Variants in SLC22A14 observed in about 807,000 individuals in gnomAD.
The protein encoded by SLC22A14 is organic cation transporter-like 4.
SLC22A14 carries 50 observed loss-of-function variants against 53.9 expected under a neutral mutation model. That is an observed-to-expected ratio of 0.93 (90% CI 0.74 to 1.17). The LOEUF (loss-of-function observed/expected upper bound fraction) is 1.17. Among genes scored for constraint, SLC22A14 ranks in the 50% most tolerant of loss-of-function variants. SLC22A14 has a pLI of 0.00. For missense variants in SLC22A14, 671 were observed against 734.7 expected (o/e 0.91, Z 1.00); for synonymous variants, 312 against 303.0 (o/e 1.03, Z -0.31).
intron 1 of SLC22A14, among the ~76,000 whole-genome samples, chr3:38,296,679 A>G (rs113240437): frequency 0.064 from 9,747 of 152,196 alleles, 370 homozygotes; most frequent in East Asian, 0.16. Flanking sequence ...CAGATTCCAA[A>G]GAATGGAACC....
chr3:38,306,708 A>G (rs540798854), intron 2 of SLC22A14, among the ~76,000 whole-genome samples, 166 bp downstream of exon 2: 8 of 152,362 alleles, frequency 5.3e-5, no homozygotes, highest in Admixed American at 4.6e-4. Context: ...CCTGTTGCCC[A>G]GCCCTGGCCC....
upstream of SLC22A14, among the ~76,000 whole-genome samples, chr3:38,280,154 C>G (rs557491522): frequency 3.5e-4 from 53 of 152,304 alleles, no homozygotes; most frequent in Non-Finnish European, 6.8e-4. Flanking sequence ...ACTGCGCATG[C>G]TGGAGGACTT....
chr3:38,303,063 A>G (rs192270812), intron 1 of SLC22A14, among the ~76,000 whole-genome samples: 42 of 152,184 alleles, frequency 2.8e-4, no homozygotes, highest in African/African-American at 9.9e-4. Flanking sequence ...CAGTCTTGCT[A>G]TATCTGTATA....
chr3:38,316,314 C>G lies in SLC22A14; in HGVS notation c.1533-10C>G, dbSNP rs1422587857. The stretch of plus-strand genomic sequence containing the variant: ...AGACCCCTCACAGGAGCTCTCACCT[C>G]CACTTTCAGGGCGACAGGTCTGGGG... On this transcript the variant is annotated splice_polypyrimidine_tract_variant and intron_variant, in intron 9 of 10. Coordinates refer to ENST00000448498, the MANE Select transcript of SLC22A14 (RefSeq NM_001320033.2). 1 of 1,613,934 alleles carries G rather than the reference C, an allele frequency of 6.2e-7. No individual in the cohort carries two copies.
chr3:38,289,351 C>T (rs1703860614), intron 1 of SLC22A14, among the ~76,000 whole-genome samples: 1 of 152,122 alleles, frequency 6.6e-6, no homozygotes, highest in African/African-American at 2.4e-5. Context: ...GGCCAGTTCT[C>T]CCACTAACAT....
upstream of SLC22A14, among the ~76,000 whole-genome samples, chr3:38,279,703 T>C (rs569745942): frequency 2.4e-4 from 37 of 152,206 alleles, no homozygotes; most frequent in Admixed American, 2.2e-3. Context: ...GTAAGTGTCC[T>C]TTAGCAGTCA....
At position 38,316,520 on chromosome 3, in the gene SLC22A14, A is replaced by G. The variant is rs1258201471; in HGVS notation, c.1729A>G (p.Ile577Val). Residue 577 changes from isoleucine to valine, a missense_variant, in exon 10 of 11, where the codon ATA (isoleucine) becomes GTA (valine). Ile to Val is a conservative substitution (Grantham distance 29). Transcript: ENST00000448498. ...CGAGAGCCTGAACCACTCCTCACAG[A>G]TAAGGTAGGTGTGGGAGCCTCCTGG... is the stretch of plus-strand genomic sequence containing the variant. ...LSESLNHSSQ[I>V]RNKVKDMKTK... The G allele has an allele frequency of 1.9e-6, 3 of 1,613,762 alleles. No individual in the cohort carries two copies. Among genetic ancestry groups the G allele is most frequent in the Non-Finnish European group, 8.5e-7 (1 of 1,179,930 alleles).
At position 38,307,103 on chromosome 3, in the gene SLC22A14, A is replaced by G; in HGVS notation, c.517-151A>G. On this transcript the variant is annotated intron_variant, in intron 2 of 10. Transcript: ENST00000448498. The surrounding 1 kb of genome is among the most constrained non-coding windows in gnomAD (Gnocchi z 4.4). ...AGGTGCCAGAGGGGTTGCAGAGGTA[A>G]CAGAGCAGAGGCAACAGCTGAGGCA... 3.0e-6 allele frequency: 2 copies of G among 663,692 alleles called. No homozygotes were observed. The highest frequency in any genetic ancestry group is 2.2e-5 in the Admixed American group (1 of 46,424). 41.1% of individuals were successfully genotyped at this position (663,692 alleles called of 1,614,324 possible). A position where few individuals can be genotyped will look rare whatever the true frequency, so the allele number is the denominator to read the frequency against.
At chr3:38,282,764 A>ACCAG (rs2125867173) in intron 1 of SLC22A14, among the ~76,000 whole-genome samples, 1 of 152,222 alleles carries the variant, frequency 6.6e-6, no homozygotes, top group Admixed American at 6.5e-5. Context: ...GGAGGCTGGT[A>ACCAG]CAGATGGCTC....
intron 2 of SLC22A14, 95 bp downstream of exon 2, chr3:38,306,637 A>T: frequency 7.9e-7 from 1 of 1,263,496 alleles, no homozygotes; most frequent in Non-Finnish European, 1.1e-6. Context: ...AAGCTCAGAG[A>T]TGGGAAGCCA....
chr3:38,283,902 C>T (rs1164146385), intron 1 of SLC22A14, among the ~76,000 whole-genome samples: 3 of 152,172 alleles, frequency 2.0e-5, no homozygotes, highest in African/African-American at 4.8e-5. Context: ...GGGGCCCCTG[C>T]TCAGATTTGC....
In SLC22A14 at chr3:38,307,053, C is replaced by G. The variant is rs182602330; in HGVS notation, c.517-201C>G. On this transcript the variant is annotated intron_variant, in intron 2 of 10. Coordinates refer to ENST00000448498, the MANE Select transcript of SLC22A14 (RefSeq NM_001320033.2). The surrounding 1 kb of genome is among the most constrained non-coding windows in gnomAD (Gnocchi z 4.4). ...TGGCCTATGCCTCTGGTCACTCTCT[C>G]CAGGCCCAGCTCTCAGGGTGGAGCA... 1.6e-3 allele frequency among the ~76,000 whole-genome samples: 244 copies of G among 152,324 alleles called. 2 individuals carry two copies. Among genetic ancestry groups the G allele is most frequent in the African/African-American group, 5.7e-3 (238 of 41,582 alleles).
In SLC22A14 at chr3:38,293,515, A is replaced by G. The variant is rs13320437; in HGVS notation, c.-1+11176A>G. Among the ~76,000 whole-genome samples, 1,354 of 152,270 alleles carry G rather than the reference A, an allele frequency of 8.9e-3. 10 individuals carry two copies. Among genetic ancestry groups the G allele is most frequent in the African/African-American group, 0.031 (1,302 of 41,538 alleles). On this transcript the variant is annotated intron_variant, in intron 1 of 10. Transcript: ENST00000448498. ...TTTTTCTAATGTCTGCAGCTGACTG[A>G]GTGATAAACTTATCCTTTAAGATTA...
intron 1 of SLC22A14, among the ~76,000 whole-genome samples, chr3:38,289,765 C>A (rs1406091908): frequency 1.3e-5 from 2 of 152,146 alleles, no homozygotes; most frequent in African/African-American, 4.8e-5. Flanking sequence ...TGGAAGTCAG[C>A]GGCGGGTCTG....
At chr3:38,300,000 T>G (rs1704125012) in intron 1 of SLC22A14, among the ~76,000 whole-genome samples, 1 of 152,240 alleles carries the variant, frequency 6.6e-6, no homozygotes, top group East Asian at 1.9e-4. Context: ...ATTTTCTTAC[T>G]GTTGGAAGTG....
At chr3:38,315,363 C>A (rs1392301001) in intron 8 of SLC22A14, among the ~76,000 whole-genome samples, 195 bp from the exon 9 acceptor site, 1 of 152,282 alleles carries the variant, frequency 6.6e-6, no homozygotes, top group African/African-American at 2.4e-5. Flanking sequence ...GGGGACCTCC[C>A]CACCCCTGCT....
At chr3:38,313,312 C>T in intron 6 of SLC22A14, 76 bp from the exon 7 acceptor site, 1 of 1,380,820 alleles carries the variant, frequency 7.2e-7, no homozygotes, top group East Asian at 2.3e-5. Context: ...GACAGGCAGG[C>T]CTTGTGGGTG....
At position 38,313,075 on chromosome 3, in the gene SLC22A14, G is replaced by GCTC; in HGVS notation, c.1022_1023insTCC (p.Ala341_Ser342insPro). 1 of 1,605,028 alleles carries GCTC rather than the reference G, an allele frequency of 6.2e-7. No individual in the cohort carries two copies. Among genetic ancestry groups the GCTC allele is most frequent in the Non-Finnish European group, 8.5e-7 (1 of 1,176,132 alleles). ...GGCCAAGCAGGTGCTGTGCTACGCC[G>GCTC]CAAGTGTGAACAAGAAGACCATTCC... On this transcript the variant is annotated inframe_insertion, in exon 6 of 11. Coordinates refer to ENST00000448498, the MANE Select transcript of SLC22A14 (RefSeq NM_001320033.2).
rs371887827 is a variant in SLC22A14, at chr3:38,307,763, G to T, written c.775+43G>T. The T allele has an allele frequency of 4.4e-6, 7 of 1,606,500 alleles. No individual in the cohort carries two copies. The highest frequency in any genetic ancestry group is 5.1e-6 in the Non-Finnish European group (6 of 1,175,148). ...TGGGGCAGGGCAGGGTGGCACAGGG[G>T]CATGGCGGCATAGGCGGGTGACAAG... On this transcript the variant is annotated intron_variant, in intron 4 of 10. Transcript: ENST00000448498. This position sits in a 1 kb window ranked among gnomAD's most constrained non-coding sequence, Gnocchi z 4.4.
Sources: gnomAD v4.1 joint callset for allele counts (sites outside exome capture counted in the v4.1 genomes callset) on GRCh38, gnomAD v4.1.1 for gene constraint, Gnocchi (gnomAD v3.1) non-coding constraint, MANE v1.5 for transcripts, NCBI Gene and HGNC (gene_info 2026-07-23, HGNC 2026-07-21) for gene names.